CCNL2: variants seen among roughly 807,000 people sequenced by gnomAD.
CCNL2 encodes the protein cyclin L2, also known as cyclin-L2.
CCNL2 carries 28 observed loss-of-function variants against 59.1 expected under a neutral mutation model. The observed-to-expected ratio is 0.47, with a 90% CI of 0.35 to 0.65. The LOEUF is 0.65. Among genes scored for constraint, CCNL2 ranks in the 30% least tolerant of loss-of-function variants. The pLI is 0.00. For missense variants in CCNL2, 714 were observed against 717.4 expected (o/e 1.00, Z 0.05); for synonymous variants, 342 against 288.6 (o/e 1.19, Z -1.88).
At position 1,388,013 on chromosome 1, in the gene CCNL2, C is replaced by T. The variant is rs145080018; in HGVS notation, c.1059G>A (p.Lys353=). 9,332 of 1,614,068 alleles carry T rather than the reference C, an allele frequency of 5.8e-3. 46 individuals carry two copies. Among genetic ancestry groups the T allele is most frequent in the Non-Finnish European group, 7.0e-3 (8,277 of 1,180,012 alleles). The change falls in exon 9 of 11, where the codon AAG becomes AAA. Residue 353 remains lysine, a synonymous_variant. Transcript: ENST00000400809. ...CGCCCTCCAGCCTCCTCTTGGTGTT[C>T]TTCACAGACAGTGGGGAAGGCTTGC... ...KGSKPSPLSV[K]NTKRRLEGAK...
At position 1,387,530 on chromosome 1, in the gene CCNL2, G is replaced by T; in HGVS notation, c.1264C>A (p.Arg422=). The change falls in exon 11 of 11, where the codon CGG becomes AGG. Residue 422 remains arginine (R), a synonymous_variant. Transcript: ENST00000400809. ...CTCGGTGGGGAGTCACTCCTGCTCCGGGAGCGGCTCTGCGACTTGGACCCA... is the reference window on the plus strand; with the variant it reads ...CTCGGTGGGGAGTCACTCCTGCTCCTGGAGCGGCTCTGCGACTTGGACCCA... ...SGGSKSQSRS[R]SRSDSPPRQA... is the part of the protein sequence containing the mutation. The T allele has an allele frequency of 2.6e-6, 4 of 1,548,198 alleles. No individual in the cohort carries two copies. The highest frequency in any genetic ancestry group is 3.5e-6 in the Non-Finnish European group (4 of 1,150,726).
At position 1,390,281 on chromosome 1, in the gene CCNL2, C is replaced by A; in HGVS notation, c.955G>T (p.Gly319Cys). 1 of 1,613,794 alleles carries A rather than the reference C, an allele frequency of 6.2e-7. No individual in the cohort carries two copies. Among genetic ancestry groups the A allele is most frequent in the Non-Finnish European group, 8.5e-7 (1 of 1,179,794 alleles). The stretch of plus-strand genomic sequence containing the variant: ...GAGGTACCATCCAGCACCTGTGTGC[C>A]CCCAGGCAACAGGCCCCGGGCTTGG... The part of the protein sequence containing the change: ...KAQARGLLPG[G>C]TQVLDGTSGF... The change falls in exon 8 of 11, where the codon GGC (glycine) becomes TGC (cysteine). Residue 319 changes from glycine to cysteine, a missense_variant. Coordinates refer to ENST00000400809, the MANE Select transcript of CCNL2 (RefSeq NM_030937.6).
intron 3 of CCNL2, among the ~76,000 whole-genome samples, chr1:1,396,524 C>T (rs1645031018): frequency 6.6e-6 from 1 of 150,962 alleles, no homozygotes; most frequent in Non-Finnish European, 1.5e-5. Context: ...CCTTGGCCTC[C>T]CAAAGTGCTG....
At chr1:1,388,128 CG>C in intron 8 of CCNL2, 63 bp from the exon 9 acceptor site, 1 of 1,374,786 alleles carries the variant, frequency 7.3e-7, no homozygotes. Flanking sequence ...GAAACAAGTT[CG>C]TAGAGCGAGA....
intron 3 of CCNL2, among the ~76,000 whole-genome samples, chr1:1,397,410 T>A (rs1645098962): frequency 6.6e-6 from 1 of 152,174 alleles, no homozygotes; most frequent in Non-Finnish European, 1.5e-5. Context: ...ACCTCCTTTT[T>A]CAGTCTCCCA....
At chr1:1,390,076 C>T (rs1479066999) in intron 8 of CCNL2, among the ~76,000 whole-genome samples, 154 bp downstream of exon 8, 2 of 150,840 alleles carry the variant, frequency 1.3e-5, no homozygotes, top group Non-Finnish European at 2.9e-5. Context: ...TGCGATCACA[C>T]CACCATACTC....
rs751342354 is a variant in CCNL2, at chr1:1,399,281, C to T, written c.26G>A (p.Gly9Asp). Reference protein sequence around the residue: MAAAAAAAGAAGSAAPAAA... With the variant: MAAAAAAADAAGSAAPAAA... ...CGCGGGAGCTGCCGACCCTGCAGCA[C>T]CAGCCGCCGCCGCCGCCGCCGCCAT... The change falls in exon 1 of 11, where the codon GGT (glycine) becomes GAT (aspartate). Residue 9 changes from glycine to aspartate, a missense_variant. Gly to Asp is a moderately conservative substitution (Grantham distance 94). This residue lies in a region of CCNL2 where 270 missense variants were observed against 254.9 expected (regional missense o/e 1.06). Coordinates refer to ENST00000400809, the MANE Select transcript of CCNL2 (RefSeq NM_030937.6). 8 of 1,472,212 alleles carry T rather than the reference C, an allele frequency of 5.4e-6. No homozygotes were observed. Among genetic ancestry groups the T allele is most frequent in the Non-Finnish European group, 7.2e-6 (8 of 1,117,768 alleles). The allele number at this position is 1,472,212 out of a possible 1,614,324, so 91.2% of individuals were successfully genotyped here.
intron 3 of CCNL2, among the ~76,000 whole-genome samples, chr1:1,397,589 C>T (rs747968972): frequency 1.4e-4 from 21 of 152,164 alleles, no homozygotes; most frequent in Non-Finnish European, 3.1e-4. Context: ...CAGCCAGATG[C>T]GGTGGCTGAA....
chr1:1,391,093 A>G, intron 5 of CCNL2: 6 of 1,168,050 alleles, frequency 5.1e-6, no homozygotes, highest in Non-Finnish European at 4.4e-6. Context: ...AATTATTAGA[A>G]AAAAAAAAAG....
chr1:1,387,784 T>C lies in CCNL2; in HGVS notation c.1204A>G (p.Lys402Glu). Residue 402 changes from lysine to glutamate, a missense_variant, in exon 10 of 11, where the codon AAG becomes GAG. By Grantham distance (56) the Lys-to-Glu change is moderately conservative. Transcript: ENST00000400809. ...GCGCCCTGAGGCACACACCTCCTCT[T>C]AGGAGACGCTGATCGGGATGGGGAC... is the stretch of plus-strand genomic sequence containing the variant. The part of the protein sequence containing the change: ...SRSPSRSASP[K>E]RRKSDSGSTS... 2 of 1,611,604 alleles carry C rather than the reference T, an allele frequency of 1.2e-6. No homozygotes were observed. The highest frequency in any genetic ancestry group is 1.7e-6 in the Non-Finnish European group (2 of 1,179,046).
chr1:1,396,792 A>G (rs1645057752), intron 3 of CCNL2, among the ~76,000 whole-genome samples: 1 of 150,246 alleles, frequency 6.7e-6, no homozygotes, highest in African/African-American at 2.5e-5. Flanking sequence ...TCTGTCGCCC[A>G]GGCTGGAGTG....
chr1:1,394,258 T>C (rs1328626453), intron 4 of CCNL2, among the ~76,000 whole-genome samples: 2 of 152,066 alleles, frequency 1.3e-5, no homozygotes, highest in Non-Finnish European at 2.9e-5. Flanking sequence ...GGAAACAATT[T>C]TTTGGGAAAA....
intron 8 of CCNL2, chr1:1,388,982 G>C (rs1049657048): frequency 1.7e-5 from 4 of 234,836 alleles, no homozygotes; most frequent in Non-Finnish European, 3.5e-5. Context: ...GGCTGAGGCA[G>C]GAGAATCGCT....
chr1:1,391,135 T>C, intron 5 of CCNL2: 1 of 1,237,256 alleles, frequency 8.1e-7, no homozygotes, highest in East Asian at 3.6e-5. Flanking sequence ...CGTGTTGCTA[T>C]GAAAGAGAAC....
At position 1,390,479 on chromosome 1, in the gene CCNL2, G is replaced by C; in HGVS notation, c.844C>G (p.Gln282Glu). The change falls in exon 7 of 11, where the codon CAG becomes GAG. Residue 282 changes from glutamine (Q) to glutamate (E), a missense_variant. Gln to Glu is a conservative substitution (Grantham distance 29). Coordinates refer to ENST00000400809, the MANE Select transcript of CCNL2 (RefSeq NM_030937.6). ...AGAACCTTTTTCCGAGCATAAAGCT[G>C]CAAGATCTTTAAGCAGATTTCCTGA... Reference protein sequence around the residue: ...EIQEICLKILQLYARKKVDLT... With the variant: ...EIQEICLKILELYARKKVDLT... The C allele has an allele frequency of 1.2e-6, 2 of 1,613,598 alleles. No homozygotes were observed. The highest frequency in any genetic ancestry group is 1.7e-6 in the Non-Finnish European group (2 of 1,179,796).
At chr1:1,393,245 T>C (rs532756014) in intron 5 of CCNL2, 151 bp downstream of exon 5, 17 of 677,182 alleles carry the variant, frequency 2.5e-5, no homozygotes, top group Admixed American at 1.7e-4. Context: ...GGGAGTCTGA[T>C]TGGAATTTAT....
At chr1:1,397,274 G>T (rs1418524297) in intron 3 of CCNL2, among the ~76,000 whole-genome samples, 2 of 152,080 alleles carry the variant, frequency 1.3e-5, no homozygotes, top group Admixed American at 6.5e-5. Context: ...TACTATTCCA[G>T]GGCCATGAAG....
At chr1:1,396,949 G>A (rs1024953239) in intron 3 of CCNL2, among the ~76,000 whole-genome samples, 2 of 151,794 alleles carry the variant, frequency 1.3e-5, no homozygotes, top group Non-Finnish European at 2.9e-5. Context: ...GGGTTTCACC[G>A]TGTTAGCCAG....
At chr1:1,393,608 G>A (rs1002003830) in intron 4 of CCNL2, 148 bp from the exon 5 acceptor site, 4 of 700,814 alleles carry the variant, frequency 5.7e-6, no homozygotes, top group African/African-American at 5.3e-5. Context: ...CTCAGCTGGA[G>A]GGAGCTTTGC....
Sources: allele counts gnomAD v4.1 joint callset (sites outside exome capture counted in the v4.1 genomes callset), GRCh38; gene constraint gnomAD v4.1.1; regional missense constraint gnomAD v4.1.1; transcripts MANE v1.5; gene names NCBI Gene and HGNC (gene_info 2026-07-23, HGNC 2026-07-21).